Variants in ARHGAP26 observed in about 807,000 individuals in gnomAD.
ARHGAP26 encodes Rho GTPase activating protein 26.
A neutral mutation model predicts 104.8 loss-of-function variants in ARHGAP26; 38 were observed. The ratio of observed to expected loss-of-function variants is 0.36; its 90% CI spans 0.28 to 0.48. ARHGAP26 has a LOEUF of 0.48. Ranked by LOEUF, ARHGAP26 falls within the 20% of genes least tolerant of loss-of-function variation. ARHGAP26 has a pLI of 0.99. For missense variants in ARHGAP26, 704 were observed against 947.9 expected, an observed-to-expected ratio of 0.74 and a Z score of 3.38; for synonymous variants, 341 against 340.0, an observed-to-expected ratio of 1.00 and a Z score of -0.03.
At chr5:142,870,949 T>G (rs558868318) in intron 1 of ARHGAP26, among the ~76,000 whole-genome samples, 3 of 152,286 alleles carry the variant, frequency 2.0e-5, no homozygotes, top group African/African-American at 7.2e-5. Flanking sequence ...TCCAAACAAG[T>G]AAAAGGACAG....
At chr5:142,853,575 T>A (rs1278792189) in intron 1 of ARHGAP26, among the ~76,000 whole-genome samples, 1 of 152,210 alleles carries the variant, frequency 6.6e-6, no homozygotes, top group Non-Finnish European at 1.5e-5. Context: ...ATTTTCCCTT[T>A]TGTAAAAGGG....
At chr5:142,887,727 TG>T (rs1757922143) in intron 5 of ARHGAP26, among the ~76,000 whole-genome samples, 1 of 152,196 alleles carries the variant, frequency 6.6e-6, no homozygotes, top group Admixed American at 6.5e-5. Context: ...TAAATTAAAC[TG>T]TATAAAAATC....
chr5:142,869,619 C>T (rs953437002), intron 1 of ARHGAP26, among the ~76,000 whole-genome samples: 1 of 152,098 alleles, frequency 6.6e-6, no homozygotes, highest in Non-Finnish European at 1.5e-5. Context: ...AGTAAGGTTA[C>T]CTGAGTCCAT....
intron 17 of ARHGAP26, among the ~76,000 whole-genome samples, chr5:143,116,657 AT>A (rs1795486727): frequency 1.3e-5 from 2 of 152,262 alleles, no homozygotes; most frequent in South Asian, 4.2e-4. Context: ...CTCTGCCACC[AT>A]CCCCACCACC....
chr5:143,033,423 C>A (rs745312879), intron 12 of ARHGAP26, among the ~76,000 whole-genome samples: 1 of 152,120 alleles, frequency 6.6e-6, no homozygotes, highest in Non-Finnish European at 1.5e-5. Flanking sequence ...CCATTTTATT[C>A]TTTTCCAGTA....
chr5:142,900,557 T>C (rs1760164424), intron 6 of ARHGAP26, among the ~76,000 whole-genome samples: 1 of 147,890 alleles, frequency 6.8e-6, no homozygotes. Flanking sequence ...GGTCCAGTGC[T>C]ATATACTTTT....
At chr5:143,023,604 C>G (rs993617807) in intron 12 of ARHGAP26, among the ~76,000 whole-genome samples, 3 of 152,202 alleles carry the variant, frequency 2.0e-5, no homozygotes, top group Non-Finnish European at 4.4e-5. Context: ...AGGCAGCCAC[C>G]GGTAACCAGG....
At chr5:142,944,548 T>C (rs752141137) in intron 11 of ARHGAP26, among the ~76,000 whole-genome samples, 10 of 152,334 alleles carry the variant, frequency 6.6e-5, no homozygotes, top group East Asian at 3.8e-4. Flanking sequence ...CTTCTGCATT[T>C]GATGAGCCTG....
intron 11 of ARHGAP26, chr5:142,969,405 C>T (rs1771904239): frequency 1.3e-5 from 2 of 152,188 alleles, no homozygotes; most frequent in Admixed American, 6.5e-5. Context: ...CTCCATCTGG[C>T]CAGGTATTTG....
chr5:143,086,155 T>C (rs17541504), intron 17 of ARHGAP26, among the ~76,000 whole-genome samples: 1 of 152,200 alleles, frequency 6.6e-6, no homozygotes, highest in Non-Finnish European at 1.5e-5. Flanking sequence ...AAGAAAAATG[T>C]TGGAAGAATG....
intron 1 of ARHGAP26, among the ~76,000 whole-genome samples, chr5:142,826,391 C>T (rs376900160): frequency 2.0e-4 from 30 of 152,256 alleles, no homozygotes; most frequent in Middle Eastern, 3.4e-3. Context: ...GTCATACTAC[C>T]CATTTTGCAG....
intron 17 of ARHGAP26, among the ~76,000 whole-genome samples, chr5:143,088,632 C>G (rs774090802): frequency 2.0e-5 from 3 of 152,134 alleles, no homozygotes; most frequent in Non-Finnish European, 4.4e-5. Flanking sequence ...GAATAGCACT[C>G]GAATATAAAA....
At chr5:142,879,270 T>C (rs1334879084) in intron 3 of ARHGAP26, 104 bp from the exon 4 acceptor site, 2 of 1,083,956 alleles carry the variant, frequency 1.8e-6, no homozygotes, top group Admixed American at 3.4e-5. Flanking sequence ...CCTCCCCAAA[T>C]TTTATTTTAA....
intron 1 of ARHGAP26, among the ~76,000 whole-genome samples, chr5:142,838,023 C>T (rs1321426527): frequency 1.3e-5 from 2 of 152,064 alleles, no homozygotes; most frequent in East Asian, 3.9e-4. Context: ...CTTTGAGAAG[C>T]CGAGGCAGGT....
At chr5:143,046,876 A>G (rs1045116622) in intron 14 of ARHGAP26, among the ~76,000 whole-genome samples, 3 of 152,220 alleles carry the variant, frequency 2.0e-5, no homozygotes, top group Non-Finnish European at 4.4e-5. Context: ...AGTTCTATAT[A>G]CTAGAGTTAA....
At chr5:142,939,161 G>A (rs1228076627) in intron 11 of ARHGAP26, among the ~76,000 whole-genome samples, 5 of 152,072 alleles carry the variant, frequency 3.3e-5, no homozygotes, top group African/African-American at 4.8e-5. Flanking sequence ...GCCTAAAAAA[G>A]GCTGGTAATT....
intron 17 of ARHGAP26, among the ~76,000 whole-genome samples, chr5:143,096,611 A>G (rs1792352560): frequency 6.6e-6 from 1 of 152,174 alleles, no homozygotes; most frequent in African/African-American, 2.4e-5. Flanking sequence ...CTTCGTTATT[A>G]TATAAAAGGT....
intron 4 of ARHGAP26, 111 bp downstream of exon 4, chr5:142,879,556 CCTT>C: frequency 1.0e-6 from 1 of 991,564 alleles, no homozygotes; most frequent in South Asian, 1.7e-5. Context: ...TCGAAGCCCA[CCTT>C]CTTCAGAAAA....
At chr5:142,778,959 TAGTG>T (rs374476186) in intron 1 of ARHGAP26, among the ~76,000 whole-genome samples, 3,584 of 151,342 alleles carry the variant, frequency 0.024, 120 homozygotes, top group African/African-American at 0.069. Context: ...AAAAAAAACT[TAGTG>T]TGTGTGTATG....
Sources: gnomAD v4.1 joint callset for allele counts (sites outside exome capture counted in the v4.1 genomes callset) on GRCh38, gnomAD v4.1.1 for gene constraint, MANE v1.5 for transcripts, NCBI Gene and HGNC (gene_info 2026-07-23, HGNC 2026-07-21) for gene names.